The following SGCD variants were observed in gnomAD, a reference collection of about 807,000 sequenced individuals.
SGCD encodes the protein sarcoglycan delta.
SGCD carries 18 observed loss-of-function variants against 36.6 expected under a neutral mutation model. The ratio of observed to expected loss-of-function variants is 0.49; its 90% CI spans 0.34 to 0.73. The LOEUF (loss-of-function observed/expected upper bound fraction) is 0.73, where lower values mean the gene tolerates loss of function less well. Among genes scored for constraint, SGCD ranks in the 30% least tolerant of loss-of-function variants. The pLI is 0.01. For missense variants in SGCD, 387 were observed against 346.7 expected, an observed-to-expected ratio of 1.12 and a Z score of -0.92; for synonymous variants, 133 against 130.6, an observed-to-expected ratio of 1.02 and a Z score of -0.12.
intron 1 of SGCD, among the ~76,000 whole-genome samples, chr5:156,013,175 C>T (rs1391038958): frequency 6.6e-6 from 1 of 151,838 alleles, no homozygotes; most frequent in South Asian, 2.1e-4. Flanking sequence ...TGGGCACACG[C>T]CACCACACCC....
intron 2 of SGCD, among the ~76,000 whole-genome samples, chr5:156,341,176 C>A (rs1483398480): frequency 1.3e-5 from 2 of 152,150 alleles, no homozygotes; most frequent in Admixed American, 6.5e-5. Flanking sequence ...TGAAAAGGAG[C>A]TGCTTCCTCC....
At chr5:156,074,800 T>G (rs1247654115) in intron 1 of SGCD, among the ~76,000 whole-genome samples, 2 of 152,252 alleles carry the variant, frequency 1.3e-5, no homozygotes, top group Non-Finnish European at 1.5e-5. Flanking sequence ...ATAGCATTCA[T>G]GTTTTTGCAG....
At chr5:156,190,922 A>T (rs1290962802) in intron 3 of SGCD, among the ~76,000 whole-genome samples, 1 of 152,158 alleles carries the variant, frequency 6.6e-6, no homozygotes, top group Non-Finnish European at 1.5e-5. Flanking sequence ...AAATAATACC[A>T]CTTTAAATAT....
chr5:156,258,317 A>G (rs528913893), intron 3 of SGCD, among the ~76,000 whole-genome samples: 1 of 152,236 alleles, frequency 6.6e-6, no homozygotes, highest in Non-Finnish European at 1.5e-5. Context: ...GAAGACCCAT[A>G]TAACTCAGAG....
rs970090892 is a variant in SGCD, at chr5:156,415,647, T to C, written c.192+70970T>C. Among the ~76,000 whole-genome samples, 7 of 152,292 alleles carry C rather than the reference T, an allele frequency of 4.6e-5. No homozygotes were observed. In the East Asian group the frequency reaches 1.4e-3, roughly 29 times the overall value. Reference sequence around the variant, plus strand: ...AATTGACCAAACAAGAAAACTAAAGTGTAGCCCAGATTAGAGCTCATTTTA... The same window carrying C: ...AATTGACCAAACAAGAAAACTAAAGCGTAGCCCAGATTAGAGCTCATTTTA... On this transcript the variant is annotated intron_variant, in intron 3 of 8. Transcript: ENST00000337851.
chr5:156,674,209 C>G (rs1311216279), intron 7 of SGCD, among the ~76,000 whole-genome samples: 2 of 152,136 alleles, frequency 1.3e-5, no homozygotes, highest in Non-Finnish European at 2.9e-5. Flanking sequence ...ATTTGAAAAG[C>G]TATGACAACA....
intron 1 of SGCD, among the ~76,000 whole-genome samples, chr5:156,002,801 G>A (rs1186948030): frequency 6.6e-6 from 1 of 152,224 alleles, no homozygotes; most frequent in Non-Finnish European, 1.5e-5. Flanking sequence ...TTCTGTTGCA[G>A]GAGACCAGAG....
chr5:156,175,588 C>G (rs1303275036), intron 3 of SGCD, among the ~76,000 whole-genome samples: 1 of 152,010 alleles, frequency 6.6e-6, no homozygotes, highest in Non-Finnish European at 1.5e-5. Flanking sequence ...AAAATGTTTT[C>G]TAAGATATTG....
chr5:156,407,755 A>G (rs897340074), intron 3 of SGCD, among the ~76,000 whole-genome samples: 4 of 152,176 alleles, frequency 2.6e-5, no homozygotes, highest in African/African-American at 7.2e-5. Flanking sequence ...GAGTAAGTCT[A>G]TTTCTCTCAC....
At chr5:156,303,906 T>C (rs1263618733) in intron 3 of SGCD, among the ~76,000 whole-genome samples, 4 of 151,850 alleles carry the variant, frequency 2.6e-5, no homozygotes, top group Non-Finnish European at 4.4e-5. Flanking sequence ...CTTCTAGAAA[T>C]GTGAGTTGTA....
At chr5:156,131,593 T>G (rs1252666140) in intron 3 of SGCD, among the ~76,000 whole-genome samples, 1 of 152,228 alleles carries the variant, frequency 6.6e-6, no homozygotes, top group Non-Finnish European at 1.5e-5. Flanking sequence ...ATTCACTTAA[T>G]TTTGGCTGAA....
intron 7 of SGCD, among the ~76,000 whole-genome samples, chr5:156,712,482 T>C (rs1009612436): frequency 1.3e-5 from 2 of 152,252 alleles, no homozygotes; most frequent in African/African-American, 2.4e-5. Flanking sequence ...CATTTAACTA[T>C]ACCAATCGAC....
chr5:156,396,163 C>T (rs375933780), intron 3 of SGCD, among the ~76,000 whole-genome samples: 20 of 152,318 alleles, frequency 1.3e-4, no homozygotes, highest in East Asian at 1.2e-3. Context: ...TCCCCTGGAA[C>T]GATTTAATTT....
intron 1 of SGCD, among the ~76,000 whole-genome samples, chr5:156,078,678 A>G (rs1196824274): frequency 6.7e-6 from 1 of 148,652 alleles, no homozygotes; most frequent in African/African-American, 2.5e-5. Context: ...ACACATATAT[A>G]TGCGTGTGTG....
intron 7 of SGCD, among the ~76,000 whole-genome samples, chr5:156,732,758 T>C (rs1756145375): frequency 6.6e-6 from 1 of 152,154 alleles, no homozygotes; most frequent in African/African-American, 2.4e-5. Flanking sequence ...TATTACTGCC[T>C]CAATTTCAGA....
At chr5:156,159,294 G>C (rs1414409300) in intron 3 of SGCD, among the ~76,000 whole-genome samples, 1 of 151,438 alleles carries the variant, frequency 6.6e-6, no homozygotes, top group Admixed American at 6.6e-5. Context: ...AAATTACGTA[G>C]ATTTTACTTT....
At chr5:156,299,632 T>C (rs1471074691) in intron 3 of SGCD, among the ~76,000 whole-genome samples, 2 of 152,148 alleles carry the variant, frequency 1.3e-5, no homozygotes, top group African/African-American at 4.8e-5. Context: ...TTTATAGTTT[T>C]CGTTATAGAG....
At chr5:156,732,011 T>C (rs191929386) in intron 7 of SGCD, among the ~76,000 whole-genome samples, 1 of 152,342 alleles carries the variant, frequency 6.6e-6, no homozygotes, top group Admixed American at 6.5e-5. Context: ...TTTTGTATTC[T>C]GAAGTTGCTT....
At chr5:156,440,064 A>G (rs1270135296) in intron 3 of SGCD, among the ~76,000 whole-genome samples, 2 of 152,264 alleles carry the variant, frequency 1.3e-5, no homozygotes, top group South Asian at 2.1e-4. Context: ...TCTAGCTGCC[A>G]TCTCCATCTA....
Sources: gnomAD v4.1 joint callset for allele counts (sites outside exome capture counted in the v4.1 genomes callset) on GRCh38, gnomAD v4.1.1 for gene constraint, MANE v1.5 for transcripts, NCBI Gene and HGNC (gene_info 2026-07-23, HGNC 2026-07-21) for gene names.